Variants in GALNTL6 observed in about 807,000 individuals in gnomAD.
The protein encoded by GALNTL6 is polypeptide N-acetylgalactosaminyltransferase-like 6.
Under a neutral mutation model 73.7 loss-of-function variants are expected in GALNTL6, and 46 were observed. The observed-to-expected ratio is 0.62, with a 90% confidence interval of 0.49 to 0.80. The LOEUF (loss-of-function observed/expected upper bound fraction) is 0.80. Among genes scored for constraint, GALNTL6 ranks in the 30% least tolerant of loss-of-function variants. The pLI is 0.00. For synonymous variants in GALNTL6, 259 were observed against 263.7 expected (o/e 0.98, Z 0.17); for missense variants, 604 against 755.0 (o/e 0.80, Z 2.34).
At chr4:172,999,853 C>T (rs1332456431) in intron 10 of GALNTL6, among the ~76,000 whole-genome samples, 1 of 151,910 alleles carries the variant, frequency 6.6e-6, no homozygotes, top group Non-Finnish European at 1.5e-5. Flanking sequence ...AGAACTAGTA[C>T]CCATTATGAC....
At chr4:172,289,395 A>T (rs1739382015) in intron 3 of GALNTL6, among the ~76,000 whole-genome samples, 1 of 152,154 alleles carries the variant, frequency 6.6e-6, no homozygotes, top group African/African-American at 2.4e-5. Flanking sequence ...CACATTTGAA[A>T]ATATCGTAGT....
chr4:172,828,949 A>T (rs1180276169), intron 7 of GALNTL6, among the ~76,000 whole-genome samples: 1 of 152,210 alleles, frequency 6.6e-6, no homozygotes, highest in African/African-American at 2.4e-5. Context: ...GTCCTAAGTC[A>T]AGGTGTCGGC....
At chr4:172,617,377 T>C (rs1023692593) in intron 5 of GALNTL6, among the ~76,000 whole-genome samples, 76 of 148,048 alleles carry the variant, frequency 5.1e-4, no homozygotes, top group African/African-American at 1.8e-3. Context: ...AGACCCTATC[T>C]TGGGACCCAG....
chr4:171,929,079 T>C (rs898624752), intron 2 of GALNTL6, among the ~76,000 whole-genome samples: 1 of 152,152 alleles, frequency 6.6e-6, no homozygotes, highest in Admixed American at 6.5e-5. Context: ...ATTATTATTA[T>C]TTTTGAGATA....
chr4:172,499,569 G>T (rs78085334), intron 5 of GALNTL6, among the ~76,000 whole-genome samples: 3,423 of 152,252 alleles, frequency 0.022, 125 homozygotes, highest in African/African-American at 0.078. Context: ...AGAATAAAAA[G>T]TTACTCATCA....
intron 2 of GALNTL6, among the ~76,000 whole-genome samples, chr4:171,879,416 T>A (rs1457649621): frequency 6.6e-6 from 1 of 152,118 alleles, no homozygotes; most frequent in African/African-American, 2.4e-5. Flanking sequence ...AATCTGCAAA[T>A]TCTATATATA....
rs149047824 is a variant in GALNTL6 at position 172,095,869 on chromosome 4, A to C, written c.139-133787A>C. ...TTTTTACTTATCCTAAGTATTCTAA[A>C]ATTTATATTTAAATTTATAATAAAA... On this transcript the variant is annotated intron_variant, in intron 2 of 12. Coordinates refer to ENST00000506823, the MANE Select transcript of GALNTL6 (RefSeq NM_001034845.3). Among the ~76,000 whole-genome samples, 606 of 151,944 alleles carry C rather than the reference A, an allele frequency of 4.0e-3. 4 individuals carry two copies. The highest frequency in any genetic ancestry group is 0.014 in the African/African-American group (577 of 41,500).
intron 8 of GALNTL6, among the ~76,000 whole-genome samples, chr4:172,886,864 C>T (rs930890017): frequency 3.9e-5 from 6 of 152,040 alleles, no homozygotes; most frequent in Admixed American, 6.6e-5. Flanking sequence ...AGGGGGTACA[C>T]GTGCAGGATT....
intron 2 of GALNTL6, among the ~76,000 whole-genome samples, chr4:172,139,423 C>G (rs1349688044): frequency 6.6e-6 from 1 of 152,052 alleles, no homozygotes; most frequent in Non-Finnish European, 1.5e-5. Flanking sequence ...AGAATTTTAA[C>G]AGAACTGTTG....
chr4:172,764,021 C>T (rs1406591358), intron 5 of GALNTL6, among the ~76,000 whole-genome samples: 2 of 143,630 alleles, frequency 1.4e-5, no homozygotes, highest in Non-Finnish European at 3.0e-5. Flanking sequence ...TGCAATGGGG[C>T]GATCTCAGCT....
At chr4:172,950,051 T>C (rs1370216985) in intron 9 of GALNTL6, among the ~76,000 whole-genome samples, 2 of 152,164 alleles carry the variant, frequency 1.3e-5, no homozygotes, top group African/African-American at 2.4e-5. Context: ...AGTAAGATGA[T>C]ATTACAGACT....
intron 2 of GALNTL6, among the ~76,000 whole-genome samples, chr4:171,916,323 G>A (rs571830730): frequency 2.4e-4 from 36 of 152,102 alleles, no homozygotes; most frequent in South Asian, 6.2e-4. Context: ...TATAGAAGCT[G>A]CCATATTTTT....
intron 2 of GALNTL6, among the ~76,000 whole-genome samples, chr4:172,078,592 T>C (rs548446922): frequency 1.3e-5 from 2 of 152,306 alleles, no homozygotes; most frequent in South Asian, 4.1e-4. Flanking sequence ...ATATCTTAGA[T>C]ACTGAAAGGG....
At chr4:172,232,589 T>G (rs1001635374) in intron 3 of GALNTL6, among the ~76,000 whole-genome samples, 9 of 152,112 alleles carry the variant, frequency 5.9e-5, no homozygotes, top group African/African-American at 2.2e-4. Flanking sequence ...ACAGTTGAAC[T>G]TTATTAGGTC....
At chr4:172,727,234 T>G (rs1488537492) in intron 5 of GALNTL6, among the ~76,000 whole-genome samples, 1 of 152,188 alleles carries the variant, frequency 6.6e-6, no homozygotes. Flanking sequence ...TTTTAAGAAA[T>G]AACGCTGTAG....
At chr4:172,115,030 C>G (rs1732949942) in intron 2 of GALNTL6, among the ~76,000 whole-genome samples, 1 of 152,138 alleles carries the variant, frequency 6.6e-6, no homozygotes, top group South Asian at 2.1e-4. Flanking sequence ...TAATGGCTTA[C>G]AGGTATACAT....
At chr4:172,704,146 C>A (rs897278241) in intron 5 of GALNTL6, among the ~76,000 whole-genome samples, 2 of 151,896 alleles carry the variant, frequency 1.3e-5, no homozygotes, top group South Asian at 2.1e-4. Context: ...AAAAAACCAA[C>A]TTTTTATTTT....
At chr4:172,587,011 C>T (rs1478183952) in intron 5 of GALNTL6, among the ~76,000 whole-genome samples, 1 of 152,134 alleles carries the variant, frequency 6.6e-6, no homozygotes, top group African/African-American at 2.4e-5. Flanking sequence ...TGATACGCTA[C>T]AAGGTTATTG....
chr4:172,005,204 A>C (rs1740800594), intron 2 of GALNTL6, among the ~76,000 whole-genome samples: 1 of 151,946 alleles, frequency 6.6e-6, no homozygotes, highest in Non-Finnish European at 1.5e-5. Flanking sequence ...GGCTCACTGC[A>C]ACTTCTGCCT....
Sources: gnomAD v4.1 joint callset for allele counts (sites outside exome capture counted in the v4.1 genomes callset) on GRCh38, gnomAD v4.1.1 for gene constraint, MANE v1.5 for transcripts, NCBI Gene and HGNC (gene_info 2026-07-23, HGNC 2026-07-21) for gene names.